Variants in NLGN4Y observed in about 807,000 individuals in gnomAD.
NLGN4Y encodes neuroligin-4, Y-linked.
NLGN4Y carries 4 observed loss-of-function variants against 8.4 expected under a neutral mutation model. That is an observed-to-expected ratio of 0.48 (90% confidence interval 0.23 to 1.09). The LOEUF is 1.09. NLGN4Y is among the 50% of genes least tolerant of loss of function. The probability of loss-of-function intolerance (pLI) is 0.19; values close to 1 mark genes in which losing one functional copy is unlikely to be tolerated. For synonymous variants in NLGN4Y, 35 were observed against 75.6 expected, an observed-to-expected ratio of 0.46 and a Z score of 2.78; for missense variants, 90 against 192.3, an observed-to-expected ratio of 0.47 and a Z score of 3.15.
intron 5 of NLGN4Y, 99 bp from the exon 6 acceptor site, chrY:14,829,631 T>C: frequency 3.4e-6 from 1 of 296,182 alleles, no homozygotes; most frequent in Non-Finnish European, 5.1e-6. Flanking sequence ...CATCCAGAAA[T>C]TCACATGCTT....
At chrY:14,730,614 C>A in intron 4 of NLGN4Y, among the ~76,000 whole-genome samples, 1 of 32,544 alleles carries the variant, frequency 3.1e-5, no homozygotes, top group Non-Finnish European at 7.5e-5. Context: ...TTCCACTATT[C>A]CACTCTGTAT....
chrY:14,844,727 C>T lies in NLGN4Y; in HGVS notation c.*3465C>T, dbSNP rs2043240080. The T allele has an allele frequency of 6.0e-5, 2 of 33,560 alleles. No homozygotes were observed. The highest frequency in any genetic ancestry group is 2.3e-4 in the African/African-American group (2 of 8,621). 8.4% of individuals were successfully genotyped at this position (33,560 alleles called of 400,897 possible). On this transcript the variant is annotated 3_prime_UTR_variant, in exon 7 of 7. Transcript: ENST00000684976. ...AACTAAATCCTTCAGATGTTGTTGG[C>T]CTCAATCATGTTGTGAAGGCACACA...
At chrY:14,607,401 C>T (rs770183024) in intron 1 of NLGN4Y, among the ~76,000 whole-genome samples, 256 of 32,266 alleles carry the variant, frequency 7.9e-3, no homozygotes, top group Non-Finnish European at 0.017. Flanking sequence ...CAAGAAGCCC[C>T]GGTGTGTGAT....
At chrY:14,656,345 T>G in intron 2 of NLGN4Y, among the ~76,000 whole-genome samples, 1 of 32,302 alleles carries the variant, frequency 3.1e-5, no homozygotes, top group Non-Finnish European at 7.5e-5. Context: ...CCCAGCACTT[T>G]GAGATGCGTA....
At chrY:14,697,594 GAGATAGATAGAT>G (rs1296928906) in intron 2 of NLGN4Y, among the ~76,000 whole-genome samples, 4 of 21,153 alleles carry the variant, frequency 1.9e-4, no homozygotes, top group South Asian at 1.6e-3. Flanking sequence ...ATAGATGAGA[GAGATAGATAGAT>G]AGATAGATAG....
intron 3 of NLGN4Y, among the ~76,000 whole-genome samples, chrY:14,721,041 G>A: frequency 6.0e-5 from 2 of 33,593 alleles, no homozygotes; most frequent in Non-Finnish European, 1.5e-4. Flanking sequence ...ATTATTCCCA[G>A]TGAATGTTTA....
intron 4 of NLGN4Y, among the ~76,000 whole-genome samples, chrY:14,738,966 A>T (rs1015743397): frequency 1.4e-3 from 46 of 32,758 alleles, no homozygotes; most frequent in African/African-American, 5.5e-3. Context: ...CAGAAATAAC[A>T]TTTGTTATCC....
rs373921462 is a variant in NLGN4Y at position 14,841,115 on chromosome Y, G to A, written c.2364G>A (p.Pro788=). The change falls in exon 7 of 7, where the codon CCG becomes CCA. Residue 788 remains proline, a synonymous_variant. Transcript: ENST00000684976. ...PDYTLTLRRS[P]DDIPFMTPNT... is the part of the protein sequence containing the mutation. Reference sequence around the variant, plus strand: ...ACACCCTCACGCTGCGCCGGTCGCCGGATGACATCCCATTTATGACGCCAA... The same window carrying A: ...ACACCCTCACGCTGCGCCGGTCGCCAGATGACATCCCATTTATGACGCCAA... 5.0e-6 allele frequency: 2 copies of A among 396,430 alleles called. No individual in the cohort carries two copies. Among genetic ancestry groups the A allele is most frequent in the African/African-American group, 1.3e-4 (2 of 15,367 alleles).
chrY:14,609,562 C>G (rs551400342), intron 1 of NLGN4Y, among the ~76,000 whole-genome samples: 1 of 33,448 alleles, frequency 3.0e-5, no homozygotes, highest in South Asian at 6.6e-4. Flanking sequence ...AGGGATGAAC[C>G]CGACTTGATC....
chrY:14,600,823 G>C, intron 1 of NLGN4Y, among the ~76,000 whole-genome samples: 1 of 32,743 alleles, frequency 3.1e-5, no homozygotes, highest in Non-Finnish European at 7.5e-5. Context: ...AAAATAAATG[G>C]GGTACACATC....
intron 2 of NLGN4Y, among the ~76,000 whole-genome samples, chrY:14,674,215 A>ATATGG (rs2080738660): frequency 3.2e-5 from 1 of 30,842 alleles, no homozygotes; most frequent in Non-Finnish European, 7.8e-5. Flanking sequence ...CTTTAAAGCC[A>ATATGG]CAAAATAAAA....
chrY:14,610,973 TGCC>T (rs2080465800), intron 1 of NLGN4Y, among the ~76,000 whole-genome samples: 1 of 33,311 alleles, frequency 3.0e-5, no homozygotes, highest in African/African-American at 1.2e-4. Flanking sequence ...CATTATTTGA[TGCC>T]CTTCTTTGTC....
At chrY:14,542,933 G>A in intron 1 of NLGN4Y, among the ~76,000 whole-genome samples, 3 of 28,534 alleles carry the variant, frequency 1.1e-4, no homozygotes, top group Non-Finnish European at 1.6e-4. Flanking sequence ...TGAACAATGA[G>A]AACACATGGA....
chrY:14,679,714 G>GTGA (rs2080761634), intron 2 of NLGN4Y, among the ~76,000 whole-genome samples: 3 of 32,962 alleles, frequency 9.1e-5, no homozygotes, highest in Non-Finnish European at 2.2e-4. Context: ...AAGGGACAGG[G>GTGA]TGATGTTATT....
intron 1 of NLGN4Y, among the ~76,000 whole-genome samples, chrY:14,618,443 G>C (rs750921973): frequency 3.1e-5 from 1 of 32,734 alleles, no homozygotes; most frequent in Non-Finnish European, 7.5e-5. Flanking sequence ...ACCTCAGTTG[G>C]AAATGCAGAA....
At chrY:14,718,882 C>T (rs561688134) in intron 2 of NLGN4Y, among the ~76,000 whole-genome samples, 1 of 32,833 alleles carries the variant, frequency 3.0e-5, no homozygotes, top group African/African-American at 1.2e-4. Flanking sequence ...GATTTAGGGA[C>T]ATTTCTAATT....
intron 5 of NLGN4Y, among the ~76,000 whole-genome samples, chrY:14,825,469 C>G: frequency 6.6e-5 from 2 of 30,413 alleles, no homozygotes; most frequent in African/African-American, 2.6e-4. Flanking sequence ...CTCACTGTCT[C>G]TCTTCCTCTC....
At chrY:14,701,380 T>C in intron 2 of NLGN4Y, among the ~76,000 whole-genome samples, 1 of 33,432 alleles carries the variant, frequency 3.0e-5, no homozygotes, top group Non-Finnish European at 7.4e-5. Flanking sequence ...ATATTTGATG[T>C]AGATGACTGA....
intron 1 of NLGN4Y, among the ~76,000 whole-genome samples, chrY:14,550,619 T>A (rs2080189365): frequency 5.9e-5 from 2 of 33,950 alleles, no homozygotes; most frequent in African/African-American, 2.3e-4. Flanking sequence ...GGATTTTATT[T>A]CTCCTTTGCA....
Sources: gnomAD v4.1 joint callset for allele counts (sites outside exome capture counted in the v4.1 genomes callset) on GRCh38, gnomAD v4.1.1 for gene constraint, MANE v1.5 for transcripts, NCBI Gene and HGNC (gene_info 2026-07-23, HGNC 2026-07-21) for gene names.